Variants in PSD3 observed in about 807,000 individuals in gnomAD.
The protein encoded by PSD3 is PH and SEC7 domain-containing protein 3.
Under a neutral mutation model 105.5 loss-of-function variants are expected in PSD3, and 49 were observed. The observed-to-expected ratio is 0.46, with a 90% CI of 0.37 to 0.59. The LOEUF is 0.59. PSD3 is among the 20% of genes least tolerant of loss of function. PSD3 has a pLI of 0.00. For synonymous variants in PSD3, 557 were observed against 457.8 expected, an observed-to-expected ratio of 1.22 and a Z score of -2.77; for missense variants, 1,561 against 1,263.8, an observed-to-expected ratio of 1.24 and a Z score of -3.57.
intron 4 of PSD3, among the ~76,000 whole-genome samples, chr8:18,844,415 C>T (rs1814909606): frequency 6.6e-6 from 1 of 151,934 alleles, no homozygotes; most frequent in African/African-American, 2.4e-5. Flanking sequence ...CCTAGGAGAT[C>T]TAACACCTTT....
chr8:18,828,300 G>C (rs191514037), intron 4 of PSD3, among the ~76,000 whole-genome samples: 2 of 151,848 alleles, frequency 1.3e-5, no homozygotes, highest in Admixed American at 6.6e-5. Context: ...AATGACTTTA[G>C]TTTTATAGTT....
intron 2 of PSD3, among the ~76,000 whole-genome samples, chr8:18,879,479 T>C (rs375771181): frequency 6.6e-6 from 1 of 152,206 alleles, no homozygotes; most frequent in Non-Finnish European, 1.5e-5. Context: ...CAATAAAGTA[T>C]TGTTTTAGAA....
intron 10 of PSD3, among the ~76,000 whole-genome samples, chr8:18,651,413 G>T (rs1808469711): frequency 6.6e-6 from 1 of 152,174 alleles, no homozygotes; most frequent in Non-Finnish European, 1.5e-5. Flanking sequence ...TACAAACTTT[G>T]TAGCATCACC....
chr8:18,579,942 A>G (rs1802699733), intron 12 of PSD3, among the ~76,000 whole-genome samples: 1 of 152,210 alleles, frequency 6.6e-6, no homozygotes, highest in Non-Finnish European at 1.5e-5. Context: ...AGGGAAAGTG[A>G]GACCACATTG....
At chr8:19,084,236 G>A (rs535260691) in exon 1 of PSD3, 1 of 449,100 alleles carries the variant, frequency 2.2e-6, no homozygotes, top group Non-Finnish European at 4.5e-6. Flanking sequence ...GCGGGGCTGG[G>A]CAGCCCTTGC....
At chr8:18,540,205 A>G (rs890822258) in intron 15 of PSD3, among the ~76,000 whole-genome samples, 1 of 152,240 alleles carries the variant, frequency 6.6e-6, no homozygotes, top group African/African-American at 2.4e-5. Flanking sequence ...GTGGTAGGCA[A>G]TAAGGTATTT....
At chr8:18,967,160 ATT>A (rs11440661) in intron 1 of PSD3, among the ~76,000 whole-genome samples, 1 of 147,354 alleles carries the variant, frequency 6.8e-6, no homozygotes. Flanking sequence ...TTCTTTATTT[ATT>A]TTTTTTTTTT....
At chr8:18,747,091 T>C (rs1417999844) in intron 9 of PSD3, among the ~76,000 whole-genome samples, 1 of 152,236 alleles carries the variant, frequency 6.6e-6, no homozygotes, top group Non-Finnish European at 1.5e-5. Flanking sequence ...CTATAGATTT[T>C]AAGATTGAAA....
At chr8:18,905,243 A>C (rs1819764215) in intron 2 of PSD3, among the ~76,000 whole-genome samples, 1 of 151,886 alleles carries the variant, frequency 6.6e-6, no homozygotes, top group African/African-American at 2.4e-5. Flanking sequence ...CCCCTCTCTA[A>C]TTTTGTCCTA....
intron 9 of PSD3, among the ~76,000 whole-genome samples, chr8:18,745,022 A>G (rs994390338): frequency 2.6e-5 from 4 of 152,172 alleles, no homozygotes; most frequent in Admixed American, 2.6e-4. Flanking sequence ...AAGAGAAGTG[A>G]TGTTAAGTGA....
At chr8:18,592,877 A>T (rs1803716079) in intron 12 of PSD3, among the ~76,000 whole-genome samples, 1 of 152,210 alleles carries the variant, frequency 6.6e-6, no homozygotes, top group East Asian at 1.9e-4. Context: ...TGGGGAAAGG[A>T]TTCCCTATTT....
At chr8:18,795,942 GA>G (rs1288641540) in intron 8 of PSD3, among the ~76,000 whole-genome samples, 19 of 152,270 alleles carry the variant, frequency 1.2e-4, no homozygotes, top group Admixed American at 1.2e-3. Context: ...GAGTTTAAGA[GA>G]AATGTATCTG....
chr8:18,687,773 C>T (rs1399461479), intron 9 of PSD3, among the ~76,000 whole-genome samples: 1 of 151,956 alleles, frequency 6.6e-6, no homozygotes, highest in Admixed American at 6.6e-5. Flanking sequence ...TATATTTTTG[C>T]TATTTTTTTT....
At chr8:18,692,510 G>C (rs1801026373) in intron 9 of PSD3, among the ~76,000 whole-genome samples, 1 of 152,110 alleles carries the variant, frequency 6.6e-6, no homozygotes, top group Non-Finnish European at 1.5e-5. Context: ...CTCTGACGGA[G>C]GGGTAAAAGG....
chr8:18,614,346 C>T (rs1043219405), intron 11 of PSD3, among the ~76,000 whole-genome samples: 1 of 150,708 alleles, frequency 6.6e-6, no homozygotes, highest in Admixed American at 6.6e-5. Context: ...CCCATCCCCC[C>T]CCCAAAAAAA....
At chr8:19,000,653 C>G (rs1826324926) in intron 1 of PSD3, 1 of 151,818 alleles carries the variant, frequency 6.6e-6, no homozygotes, top group Non-Finnish European at 1.5e-5. Context: ...AAAAGCAGCC[C>G]AGGGAATGGG....
At chr8:18,681,733 A>G (rs1325245294) in intron 9 of PSD3, among the ~76,000 whole-genome samples, 1 of 152,106 alleles carries the variant, frequency 6.6e-6, no homozygotes, top group African/African-American at 2.4e-5. Context: ...TCACTCTGAT[A>G]GAATATTCTA....
intron 2 of PSD3, among the ~76,000 whole-genome samples, chr8:18,875,107 T>C (rs1817643699): frequency 6.6e-6 from 1 of 152,144 alleles, no homozygotes; most frequent in Non-Finnish European, 1.5e-5. Flanking sequence ...TTTGTAGAGA[T>C]GGGGTCTCAC....
chr8:18,584,947 G>C (rs1585306299), intron 12 of PSD3, among the ~76,000 whole-genome samples: 1 of 152,096 alleles, frequency 6.6e-6, no homozygotes, highest in African/African-American at 2.4e-5. Flanking sequence ...CTGATCTTTG[G>C]TAAAATTTCT....
Sources: gnomAD v4.1 joint callset for allele counts (sites outside exome capture counted in the v4.1 genomes callset) on GRCh38, gnomAD v4.1.1 for gene constraint, MANE v1.5 for transcripts, NCBI Gene and HGNC (gene_info 2026-07-23, HGNC 2026-07-21) for gene names.